Variants in LONRF2 observed in about 807,000 individuals in gnomAD.
The protein encoded by LONRF2 is LON peptidase N-terminal domain and ring finger 2.
A neutral mutation model predicts 66.6 loss-of-function variants in LONRF2; 35 were observed. The observed-to-expected ratio is 0.53, with a 90% confidence interval of 0.40 to 0.70. LONRF2 has a LOEUF of 0.70. Among genes scored for constraint, LONRF2 ranks in the 30% least tolerant of loss-of-function variants. LONRF2 has a pLI of 0.00. For synonymous variants in LONRF2, 417 were observed against 418.1 expected (o/e 1.00, Z 0.03); for missense variants, 902 against 1,002.1 (o/e 0.90, Z 1.35).
rs1340519954 is a variant in LONRF2, at chr2:100,275,762, C to T, written c.*8536G>A. 1 of 152,128 alleles carries T rather than the reference C, an allele frequency of 6.6e-6. No individual in the cohort carries two copies. Among genetic ancestry groups the T allele is most frequent in the African/African-American group, 2.4e-5 (1 of 41,410 alleles). 9.4% of individuals were successfully genotyped at this position (152,128 alleles called of 1,614,324 possible). ...ACCACCCCCCACCAGTGTGCCTGGG[C>T]ACTCTGAACACCCTGCCTGTCAACA... On this transcript the variant is annotated 3_prime_UTR_variant, in exon 12 of 12. Coordinates refer to ENST00000393437, the MANE Select transcript of LONRF2 (RefSeq NM_198461.4).
At chr2:100,316,335 A>AAAAAAG (rs1675506679) in intron 1 of LONRF2, among the ~76,000 whole-genome samples, 1 of 113,376 alleles carries the variant, frequency 8.8e-6, no homozygotes, top group African/African-American at 4.3e-5. Flanking sequence ...AAAAAAAAAA[A>AAAAAAG]AAAGAAAGAA....
Position 100,278,694 on chromosome 2 carries a change from A to AAGACATTGCCCAGCCCAGCAGC in LONRF2, c.*5582_*5603dup, listed in dbSNP as rs1259210375. 6.6e-6 allele frequency: 1 copy of AAGACATTGCCCAGCCCAGCAGC among 152,162 alleles called. No individual in the cohort carries two copies. Among genetic ancestry groups the AAGACATTGCCCAGCCCAGCAGC allele is most frequent in the African/African-American group, 2.4e-5 (1 of 41,406 alleles). 9.4% of individuals were successfully genotyped at this position (152,162 alleles called of 1,614,324 possible). ...GGAGACCCCACGTCTCACATCCCAG[A>AAGACATTGCCCAGCCCAGCAGC]AGACATTGCCCAGCCCAGCAGCTCA... On this transcript the variant is annotated 3_prime_UTR_variant, in exon 12 of 12. Coordinates refer to ENST00000393437, the MANE Select transcript of LONRF2 (RefSeq NM_198461.4).
At position 100,290,272 on chromosome 2, in the gene LONRF2, G is replaced by C. The variant is rs1345401646; in HGVS notation, c.1906C>G (p.Leu636Val). Reference sequence around the variant, plus strand: ...ATAAGCCTTACCTTTTCATCTTCAAGATATTCAATGTCCGCTGTGTTATAG... The same window carrying C: ...ATAAGCCTTACCTTTTCATCTTCAACATATTCAATGTCCGCTGTGTTATAG... ...DGYNTADIEY[L>V]EDEKVEGPEY... The change falls in exon 10 of 12, where the codon CTT (leucine) becomes GTT (valine). Residue 636 changes from leucine (L) to valine (V), a missense_variant. Leu to Val is a conservative substitution (Grantham distance 32). Coordinates refer to ENST00000393437, the MANE Select transcript of LONRF2 (RefSeq NM_198461.4). 4 of 1,612,824 alleles carry C rather than the reference G, an allele frequency of 2.5e-6. No homozygotes were observed. The highest frequency in any genetic ancestry group is 3.4e-6 in the Non-Finnish European group (4 of 1,179,574).
chr2:100,295,468 T>C lies in LONRF2; in HGVS notation c.1562A>G (p.Lys521Arg), dbSNP rs769566619. The C allele has an allele frequency of 1.7e-5, 27 of 1,613,764 alleles. No individual in the cohort carries two copies. The South Asian group carries it at 2.6e-4, about 16-fold the overall frequency. Residue 521 changes from lysine (K) to arginine (R), a missense_variant, in exon 8 of 12, where the codon AAG becomes AGG. Around this residue, in one of 2 missense-constraint regions of LONRF2, gnomAD observed 317 missense variants for 432.2 expected, o/e 0.73. Coordinates refer to ENST00000393437, the MANE Select transcript of LONRF2 (RefSeq NM_198461.4). ...RYLPDELSDR[K>R]RIYDEEMSEL... Reference sequence around the variant, plus strand: ...TGACATTTCTTCATCATAAATTCTCTTCCTATCAGACAATTCATCCGGCAA... The same window carrying C: ...TGACATTTCTTCATCATAAATTCTCCTCCTATCAGACAATTCATCCGGCAA...
In LONRF2 at chr2:100,318,585, G is replaced by C. The variant is rs535509829; in HGVS notation, c.679+2830C>G. ...CTCATGTCTATAATCCCAGCACTTT[G>C]GGAGGCTGAGGCGGGCAGATCACTT... is the stretch of plus-strand genomic sequence containing the variant. On this transcript the variant is annotated intron_variant, in intron 1 of 11. Transcript: ENST00000393437. 2.6e-5 allele frequency among the ~76,000 whole-genome samples: 4 copies of C among 152,248 alleles called. No homozygotes were observed. The East Asian group carries it at 7.7e-4, about 29-fold the overall frequency.
At chr2:100,299,342 C>A in intron 5 of LONRF2, 23 bp from the exon 6 acceptor site, 2 of 1,444,604 alleles carry the variant, frequency 1.4e-6, no homozygotes, top group Non-Finnish European at 1.9e-6. Context: ...AAATTTAAAA[C>A]GCTGTAATTA....
Position 100,302,996 on chromosome 2 carries a change from C to T in LONRF2, c.846G>A (p.Lys282=), listed in dbSNP as rs926852532. 3.1e-6 allele frequency: 5 copies of T among 1,610,916 alleles called. No individual in the cohort carries two copies. In the African/African-American group the frequency reaches 5.3e-5, roughly 17 times the overall value. Residue 282 remains lysine, a synonymous_variant, in exon 3 of 12, where the codon AAG becomes AAA. Coordinates refer to ENST00000393437, the MANE Select transcript of LONRF2 (RefSeq NM_198461.4). ...AGTAGAGAAATTCCTTTAACACTTCCTTACTTCTTCCCAATCCAGAAAGAG... is the reference window on the plus strand; with the variant it reads ...AGTAGAGAAATTCCTTTAACACTTCTTTACTTCTTCCCAATCCAGAAAGAG... ...AQALSGLGRS[K]EVLKEFLYCL... is the part of the protein sequence containing the mutation.
chr2:100,309,344 C>T, intron 1 of LONRF2, 119 bp from the exon 2 acceptor site: 1 of 442,752 alleles, frequency 2.3e-6, no homozygotes, highest in Non-Finnish European at 4.0e-6. Context: ...AAATACAATA[C>T]AATACAAAAT....
chr2:100,319,098 G>C (rs1022723599), intron 1 of LONRF2, among the ~76,000 whole-genome samples: 15 of 148,342 alleles, frequency 1.0e-4, no homozygotes, highest in Admixed American at 5.4e-4. Context: ...CTTCAGCCTG[G>C]TGACAGAGCA....
At chr2:100,316,439 T>C (rs991376736) in intron 1 of LONRF2, among the ~76,000 whole-genome samples, 2 of 151,914 alleles carry the variant, frequency 1.3e-5, no homozygotes, top group Non-Finnish European at 2.9e-5. Flanking sequence ...ATTTTACCCA[T>C]CATTATATAA....
In LONRF2 at chr2:100,289,306, A is replaced by G. The variant is rs562965667; in HGVS notation, c.1920+952T>C. Among the ~76,000 whole-genome samples the G allele has an allele frequency of 2.6e-5, 4 of 152,312 alleles. No individual in the cohort carries two copies. In the South Asian group the frequency reaches 8.3e-4, roughly 32 times the overall value. On this transcript the variant is annotated intron_variant, in intron 10 of 11. Coordinates refer to ENST00000393437, the MANE Select transcript of LONRF2 (RefSeq NM_198461.4). ...AGAGACCACATGGCCTCTGGAGTCTAAAGTACTTATTAGCCGGCCCTTTAC... is the reference window on the plus strand; with the variant it reads ...AGAGACCACATGGCCTCTGGAGTCTGAAGTACTTATTAGCCGGCCCTTTAC...
intron 1 of LONRF2, among the ~76,000 whole-genome samples, chr2:100,309,810 T>A (rs943937415): frequency 6.6e-6 from 1 of 152,130 alleles, no homozygotes; most frequent in African/African-American, 2.4e-5. Context: ...GTAGCTGGGA[T>A]TACAGGTATG....
At chr2:100,303,070 AT>A in intron 2 of LONRF2, 27 bp from the exon 3 acceptor site, 1 of 1,555,900 alleles carries the variant, frequency 6.4e-7, no homozygotes, top group Non-Finnish European at 8.7e-7. Context: ...CAAAGTGTAC[AT>A]TTTTAAAACC....
rs187356015 is a variant in LONRF2 at position 100,281,033 on chromosome 2, C to G, written c.*3265G>C. 2.0e-5 allele frequency: 3 copies of G among 152,214 alleles called. No homozygotes were observed. The highest frequency in any genetic ancestry group is 7.2e-5 in the African/African-American group (3 of 41,556). The allele number at this position is 152,214 out of a possible 1,614,324, so 9.4% of individuals were successfully genotyped here. ...AAAAGAAAACAAGAAGGAGAAGAAA[C>G]AGATGGGTATTTTTTTAAAGCCCTT... On this transcript the variant is annotated 3_prime_UTR_variant, in exon 12 of 12. Coordinates refer to ENST00000393437, the MANE Select transcript of LONRF2 (RefSeq NM_198461.4).
Position 100,275,220 on chromosome 2 carries a change from A to G in LONRF2, c.*9078T>C, listed in dbSNP as rs1203337433. 1 of 152,260 alleles carries G rather than the reference A, an allele frequency of 6.6e-6. No individual in the cohort carries two copies. The highest frequency in any genetic ancestry group is 2.4e-5 in the African/African-American group (1 of 41,456). 9.4% of individuals were successfully genotyped at this position (152,260 alleles called of 1,614,324 possible). On this transcript the variant is annotated 3_prime_UTR_variant, in exon 12 of 12. Transcript: ENST00000393437. The stretch of plus-strand genomic sequence containing the variant: ...CACAGGACCTTCTGGGTATAATTGT[A>G]TAATTGGATGCACTGGGTCCCTCTG...
Position 100,292,148 on chromosome 2 carries a change from T to A in LONRF2, c.1758-1728A>T, listed in dbSNP as rs17353694. 8.7e-3 allele frequency among the ~76,000 whole-genome samples: 1,320 copies of A among 152,262 alleles called. 6 individuals are homozygous for A. The highest frequency in any genetic ancestry group is 0.027 in the Middle Eastern group (8 of 294). ...CTTCCTGGTATCTAACAGGATGATCTCATTCATAGCATGGTGAAACTGGAG... is the reference window on the plus strand; with the variant it reads ...CTTCCTGGTATCTAACAGGATGATCACATTCATAGCATGGTGAAACTGGAG... On this transcript the variant is annotated intron_variant, in intron 9 of 11. Transcript: ENST00000393437.
chr2:100,303,253 G>A (rs1266748823), intron 2 of LONRF2, among the ~76,000 whole-genome samples: 4 of 152,184 alleles, frequency 2.6e-5, no homozygotes, highest in Non-Finnish European at 4.4e-5. Flanking sequence ...ACAATCTACA[G>A]TCAGAACACA....
chr2:100,314,412 C>T lies in LONRF2; in HGVS notation c.680-5187G>A, dbSNP rs79482674. ...CTAGTTTTTAACTCTTTGCCTATTACGTAGTTTCAGCTAAAGTTGTTTCTA... is the reference window on the plus strand; with the variant it reads ...CTAGTTTTTAACTCTTTGCCTATTATGTAGTTTCAGCTAAAGTTGTTTCTA... On this transcript the variant is annotated intron_variant, in intron 1 of 11. Coordinates refer to ENST00000393437, the MANE Select transcript of LONRF2 (RefSeq NM_198461.4). Among the ~76,000 whole-genome samples, 169 of 152,250 alleles carry T rather than the reference C, an allele frequency of 1.1e-3. 1 individual carries two copies. The highest frequency in any genetic ancestry group is 3.9e-3 in the African/African-American group (163 of 41,556).
At chr2:100,291,559 C>T (rs1027463361) in intron 9 of LONRF2, among the ~76,000 whole-genome samples, 1 of 152,100 alleles carries the variant, frequency 6.6e-6, no homozygotes, top group Non-Finnish European at 1.5e-5. Flanking sequence ...TCCTCCATAT[C>T]CTACCGTTCC....
Sources: allele counts gnomAD v4.1 joint callset (sites outside exome capture counted in the v4.1 genomes callset), GRCh38; gene constraint gnomAD v4.1.1; regional missense constraint gnomAD v4.1.1; transcripts MANE v1.5; gene names NCBI Gene and HGNC (gene_info 2026-07-23, HGNC 2026-07-21).